The following EIF4EBP2 variants were observed in gnomAD, a reference collection of about 807,000 sequenced individuals.
EIF4EBP2 encodes eukaryotic translation initiation factor 4E binding protein 2, also known as eukaryotic translation initiation factor 4E-binding protein 2.
A neutral mutation model predicts 10.3 loss-of-function variants in EIF4EBP2; 5 were observed. The observed-to-expected ratio is 0.48, with a 90% CI of 0.25 to 1.02. The LOEUF is 1.02. Ranked by LOEUF, EIF4EBP2 falls within the 50% of genes least tolerant of loss-of-function variation. The probability of loss-of-function intolerance (pLI) is 0.15; values close to 1 mark genes in which losing one functional copy is unlikely to be tolerated. For missense variants in EIF4EBP2, 188 were observed against 162.2 expected (o/e 1.16, Z -0.86); for synonymous variants, 67 against 61.1 (o/e 1.10, Z -0.45).
chr10:70,420,668 CTT>C (rs1254893170), intron 2 of EIF4EBP2, among the ~76,000 whole-genome samples: 4 of 152,230 alleles, frequency 2.6e-5, no homozygotes, highest in Non-Finnish European at 5.9e-5. Context: ...AAAAATGACT[CTT>C]TGAACCATGC....
Position 70,426,967 on chromosome 10 carries a change from A to G in EIF4EBP2, c.*5220A>G, listed in dbSNP as rs1163385162. On this transcript the variant is annotated 3_prime_UTR_variant, in exon 3 of 3. Transcript: ENST00000373218. ...AGAGGAACTGCTTCGAATCAAGGCA[A>G]CTGGTGAAGGGCTTAGCATGTTGGC... 6.6e-6 allele frequency: 1 copy of G among 152,288 alleles called. No individual in the cohort carries two copies. Among genetic ancestry groups the G allele is most frequent in the African/African-American group, 2.4e-5 (1 of 41,452 alleles). The allele number at this position is 152,288 out of a possible 1,614,324, so 9.4% of individuals were successfully genotyped here. A position where few individuals can be genotyped will look rare whatever the true frequency, so the allele number is the denominator to read the frequency against.
chr10:70,408,210 ACCCCCCCACCTCCTTCCTGGACG>A (rs1845003950), intron 1 of EIF4EBP2, among the ~76,000 whole-genome samples: 2 of 133,516 alleles, frequency 1.5e-5, no homozygotes, highest in Non-Finnish European at 3.3e-5. Context: ...CGGGGGGCTG[ACCCCCCCACCTCCTTCCTGGACG>A]GGGCGGCTGG....
At position 70,427,430 on chromosome 10, in the gene EIF4EBP2, T is replaced by G. The variant is rs1845214913; in HGVS notation, c.*5683T>G. The G allele has an allele frequency of 6.6e-6, 1 of 152,196 alleles. No individual in the cohort carries two copies. The highest frequency in any genetic ancestry group is 1.5e-5 in the Non-Finnish European group (1 of 68,022). The allele number at this position is 152,196 out of a possible 1,614,324, so 9.4% of individuals were successfully genotyped here. ...CCTGTTCCTAGTCATGGTTTTCCAG[T>G]TTAGTAGTGGAGTTTCTTGAGGCTA... On this transcript the variant is annotated 3_prime_UTR_variant, in exon 3 of 3. Coordinates refer to ENST00000373218, the MANE Select transcript of EIF4EBP2 (RefSeq NM_004096.5).
chr10:70,422,482 CTG>C lies in EIF4EBP2; in HGVS notation c.*737_*738del, dbSNP rs2137233383. ...TGCATTTGTGCAGATATTTTTAACT[CTG>C]TACATCAGAAGAGAGCCCTTGGTAA... is the stretch of plus-strand genomic sequence containing the variant. On this transcript the variant is annotated 3_prime_UTR_variant, in exon 3 of 3. Transcript: ENST00000373218. 1 of 152,282 alleles carries C rather than the reference CTG, an allele frequency of 6.6e-6. No homozygotes were observed. Among genetic ancestry groups the C allele is most frequent in the Non-Finnish European group, 1.5e-5 (1 of 68,034 alleles). 9.4% of individuals were successfully genotyped at this position (152,282 alleles called of 1,614,324 possible).
At chr10:70,407,977 G>A (rs1356867462) in intron 1 of EIF4EBP2, among the ~76,000 whole-genome samples, 9 of 120,898 alleles carry the variant, frequency 7.4e-5, no homozygotes, top group Admixed American at 2.3e-4. Flanking sequence ...CTGGCCGGGC[G>A]GGGGGCTGAC....
chr10:70,407,769 G>A (rs1348788003), intron 1 of EIF4EBP2, among the ~76,000 whole-genome samples: 4 of 140,292 alleles, frequency 2.9e-5, no homozygotes, highest in African/African-American at 1.0e-4. Flanking sequence ...GCGGCTGGCC[G>A]GGCAGAGGGG....
At chr10:70,404,745 C>A (rs1442225708) in intron 1 of EIF4EBP2, among the ~76,000 whole-genome samples, 199 bp downstream of exon 1, 6 of 152,218 alleles carry the variant, frequency 3.9e-5, no homozygotes, top group Admixed American at 3.9e-4. Flanking sequence ...GGCGCGCGCC[C>A]CACTCGGGAA....
At chr10:70,411,503 C>A (rs1405023698) in intron 1 of EIF4EBP2, among the ~76,000 whole-genome samples, 1 of 152,180 alleles carries the variant, frequency 6.6e-6, no homozygotes, top group East Asian at 1.9e-4. Flanking sequence ...CCCGTTCCTT[C>A]ATCTCCATTT....
chr10:70,421,197 C>A (rs1041452218), intron 2 of EIF4EBP2, among the ~76,000 whole-genome samples: 6 of 152,290 alleles, frequency 3.9e-5, no homozygotes, highest in Admixed American at 3.9e-4. Context: ...ACCTAAATTA[C>A]CCCTCCTCCA....
intron 1 of EIF4EBP2, among the ~76,000 whole-genome samples, chr10:70,416,096 T>C (rs952610719): frequency 3.9e-5 from 6 of 152,182 alleles, no homozygotes; most frequent in East Asian, 1.9e-4. Flanking sequence ...AAAGAAGATA[T>C]GTGGTGGAAT....
At position 70,427,406 on chromosome 10, in the gene EIF4EBP2, C is replaced by G. The variant is rs1446656887; in HGVS notation, c.*5659C>G. On this transcript the variant is annotated 3_prime_UTR_variant, in exon 3 of 3. Transcript: ENST00000373218. ...AATGCTTCTACCCCAGGGCCGCTTC[C>G]TGTTCCTAGTCATGGTTTTCCAGTT... is the stretch of plus-strand genomic sequence containing the variant. 1.3e-5 allele frequency: 2 copies of G among 152,184 alleles called. No individual in the cohort carries two copies. Among genetic ancestry groups the G allele is most frequent in the Non-Finnish European group, 2.9e-5 (2 of 68,022 alleles). The allele number at this position is 152,184 out of a possible 1,614,324, so 9.4% of individuals were successfully genotyped here.
intron 1 of EIF4EBP2, among the ~76,000 whole-genome samples, chr10:70,412,577 C>G (rs150756303): frequency 7.8e-4 from 119 of 152,262 alleles, no homozygotes; most frequent in Admixed American, 2.1e-3. Context: ...GAGGCCGTTA[C>G]GCTTGAATGA....
rs941429251 is a variant in EIF4EBP2, at chr10:70,422,528, T to C, written c.*781T>C. ...TTGGTAACCAGTTTTGCTCTTCTTC[T>C]GCCACTCCTCCCTGCTTGCATCTCG... is the stretch of plus-strand genomic sequence containing the variant. On this transcript the variant is annotated 3_prime_UTR_variant, in exon 3 of 3. Coordinates refer to ENST00000373218, the MANE Select transcript of EIF4EBP2 (RefSeq NM_004096.5). 4 of 152,218 alleles carry C rather than the reference T, an allele frequency of 2.6e-5. No homozygotes were observed. The highest frequency in any genetic ancestry group is 9.7e-5 in the African/African-American group (4 of 41,450). 9.4% of individuals were successfully genotyped at this position (152,218 alleles called of 1,614,324 possible).
At chr10:70,405,917 T>C (rs1046161705) in intron 1 of EIF4EBP2, among the ~76,000 whole-genome samples, 1 of 152,170 alleles carries the variant, frequency 6.6e-6, no homozygotes, top group African/African-American at 2.4e-5. Context: ...CTTTGCAGAA[T>C]AGTGGAGTTC....
At position 70,404,327 on chromosome 10, in the gene EIF4EBP2, G is replaced by C. The variant is rs1468037198; in HGVS notation, c.-75G>C. ...GCAGAGCGCGCTTTTCCGTCCGCCT[G>C]AGGAGCCGAAGCAGCCCCGGCCCCG... is the stretch of plus-strand genomic sequence containing the variant. On this transcript the variant is annotated 5_prime_UTR_variant, in exon 1 of 3. Coordinates refer to ENST00000373218, the MANE Select transcript of EIF4EBP2 (RefSeq NM_004096.5). The C allele has an allele frequency of 6.9e-7, 1 of 1,452,886 alleles. No homozygotes were observed. Among genetic ancestry groups the C allele is most frequent in the Admixed American group, 2.8e-5 (1 of 35,226 alleles). 90.0% of individuals were successfully genotyped at this position (1,452,886 alleles called of 1,614,324 possible).
intron 1 of EIF4EBP2, among the ~76,000 whole-genome samples, chr10:70,407,317 T>C (rs1165586137): frequency 2.6e-5 from 4 of 152,134 alleles, no homozygotes; most frequent in Non-Finnish European, 4.4e-5. Flanking sequence ...GTGATGACTC[T>C]TAACGAGCAC....
intron 2 of EIF4EBP2, 85 bp downstream of exon 2, chr10:70,420,184 T>A: frequency 7.2e-7 from 1 of 1,382,538 alleles, no homozygotes; most frequent in Non-Finnish European, 9.7e-7. Flanking sequence ...AGCTATTGAT[T>A]CTTCAGTTTT....
rs1845210899 is a variant in EIF4EBP2 at position 70,426,926 on chromosome 10, TTTAGCCAG to T, written c.*5181_*5188del. 1 of 152,348 alleles carries T rather than the reference TTTAGCCAG, an allele frequency of 6.6e-6. No homozygotes were observed. The highest frequency in any genetic ancestry group is 1.5e-5 in the Non-Finnish European group (1 of 68,044). The allele number at this position is 152,348 out of a possible 1,614,324, so 9.4% of individuals were successfully genotyped here. A position where few individuals can be genotyped will look rare whatever the true frequency, so the allele number is the denominator to read the frequency against. On this transcript the variant is annotated 3_prime_UTR_variant, in exon 3 of 3. Transcript: ENST00000373218. The stretch of plus-strand genomic sequence containing the variant: ...TGGGTTTCACTGCCGGAGTCCATCA[TTTAGCCAG>T]TATACATAGAGGAACTGCTTCGAAT...
chr10:70,428,311 G>A lies in EIF4EBP2; in HGVS notation c.*6564G>A, dbSNP rs1845225291. 6.6e-6 allele frequency: 1 copy of A among 151,644 alleles called. No homozygotes were observed. The highest frequency in any genetic ancestry group is 1.5e-5 in the Non-Finnish European group (1 of 67,956). The allele number at this position is 151,644 out of a possible 1,614,324, so 9.4% of individuals were successfully genotyped here. A position where few individuals can be genotyped will look rare whatever the true frequency, so the allele number is the denominator to read the frequency against. ...AAAAAAATAGCCCTGCCCTGTCTTA[G>A]TGCCACTAACGGCCCAGTTCCATCC... On this transcript the variant is annotated 3_prime_UTR_variant, in exon 3 of 3. Coordinates refer to ENST00000373218, the MANE Select transcript of EIF4EBP2 (RefSeq NM_004096.5).
Sources: allele counts gnomAD v4.1 joint callset (sites outside exome capture counted in the v4.1 genomes callset), GRCh38; gene constraint gnomAD v4.1.1; transcripts MANE v1.5; gene names NCBI Gene and HGNC (gene_info 2026-07-23, HGNC 2026-07-21).